Variants in FAM184A observed in about 807,000 individuals in gnomAD.
FAM184A encodes the protein family with sequence similarity 184 member A.
FAM184A carries 99 observed loss-of-function variants against 143.8 expected under a neutral mutation model. That is an observed-to-expected ratio of 0.69 (90% CI 0.58 to 0.81). The LOEUF is 0.81. Ranked by LOEUF, FAM184A falls within the 40% of genes least tolerant of loss-of-function variation. FAM184A has a pLI of 0.00. For missense variants in FAM184A, 1,217 were observed against 1,310.5 expected, an observed-to-expected ratio of 0.93 and a Z score of 1.10; for synonymous variants, 427 against 446.4, an observed-to-expected ratio of 0.96 and a Z score of 0.55.
intron 1 of FAM184A, among the ~76,000 whole-genome samples, chr6:119,134,149 A>G (rs1789603528): frequency 1.3e-5 from 2 of 152,170 alleles, no homozygotes; most frequent in East Asian, 3.9e-4. Context: ...ACTATTGACA[A>G]AAGATTAGTA....
At chr6:119,088,779 C>G (rs140528607) in intron 1 of FAM184A, among the ~76,000 whole-genome samples, 298 of 152,280 alleles carry the variant, frequency 2.0e-3, no homozygotes, top group South Asian at 9.1e-3. Context: ...AGCAACTGAA[C>G]TCCAATGGAA....
intron 1 of FAM184A, among the ~76,000 whole-genome samples, chr6:119,045,063 G>T (rs1033231386): frequency 2.0e-5 from 3 of 152,108 alleles, no homozygotes; most frequent in Non-Finnish European, 4.4e-5. Context: ...ATTTCTTATG[G>T]GTTCTCCAAC....
intron 16 of FAM184A, among the ~76,000 whole-genome samples, chr6:118,964,299 G>A (rs1451474285): frequency 6.6e-6 from 1 of 152,114 alleles, no homozygotes; most frequent in Non-Finnish European, 1.5e-5. Flanking sequence ...CTTAAACCAG[G>A]AACAGCTGTT....
At chr6:119,071,860 C>CTTTTTTTTT (rs35786966) in intron 1 of FAM184A, among the ~76,000 whole-genome samples, 7 of 94,170 alleles carry the variant, frequency 7.4e-5, no homozygotes, top group Admixed American at 2.9e-4. Flanking sequence ...AACCTTTAAT[C>CTTTTTTTTT]TTTTTTTTTT....
chr6:119,122,890 ACTC>A (rs1249144204), intron 1 of FAM184A, among the ~76,000 whole-genome samples: 1 of 123,324 alleles, frequency 8.1e-6, no homozygotes, highest in African/African-American at 3.4e-5. Flanking sequence ...ATGCCACTGT[ACTC>A]CAGCCTGAGC....
chr6:119,021,095 G>A (rs1369861233), intron 3 of FAM184A, among the ~76,000 whole-genome samples: 1 of 152,112 alleles, frequency 6.6e-6, no homozygotes, highest in Non-Finnish European at 1.5e-5. Flanking sequence ...TTAGAAATGT[G>A]ACCCACCCCA....
Position 119,024,538 on chromosome 6 carries a change from G to A in FAM184A, c.435C>T (p.Ala145=). The part of the protein sequence containing the change: ...RVEDMQLCAE[A]QHVQRIVTMS... ...TGGTCACTATGCGTTGGACATGCTG[G>A]GCTTCTGCACAAAGTTGCATGTCCT... The change falls in exon 2 of 18, where the codon GCC becomes GCT. Residue 145 remains alanine, a synonymous_variant. Coordinates refer to ENST00000338891, the MANE Select transcript of FAM184A (RefSeq NM_024581.6). 1 of 1,613,942 alleles carries A rather than the reference G, an allele frequency of 6.2e-7. No individual in the cohort carries two copies. Among genetic ancestry groups the A allele is most frequent in the Non-Finnish European group, 8.5e-7 (1 of 1,179,980 alleles).
In FAM184A at chr6:119,096,407, C is replaced by T. The variant is rs545943594; in HGVS notation, c.-202+52671G>A. Among the ~76,000 whole-genome samples, 5 of 31,696 alleles carry T rather than the reference C, an allele frequency of 1.6e-4. 2 individuals are homozygous for T. Among genetic ancestry groups the T allele is most frequent in the Admixed American group, 1.4e-3 (3 of 2,164 alleles). 20.8% of individuals were successfully genotyped at this position (31,696 alleles called of 152,430 possible). A position where few individuals can be genotyped will look rare whatever the true frequency, so the allele number is the denominator to read the frequency against. On this transcript the variant is annotated intron_variant, in intron 1 of 16. Coordinates refer to the FAM184A transcript ENST00000352896. ...ATCCCAGCACTTTGGGAGGCCGAGG[C>T]GGGTGGATCATGAGGTCAGGAGATC...
intron 9 of FAM184A, among the ~76,000 whole-genome samples, chr6:118,986,617 A>G (rs1341625204): frequency 6.6e-6 from 1 of 152,194 alleles, no homozygotes; most frequent in African/African-American, 2.4e-5. Context: ...CTTTTTTTGT[A>G]GGAGATGAAT....
At chr6:119,119,485 G>A (rs10457348) in intron 1 of FAM184A, among the ~76,000 whole-genome samples, 112,596 of 152,070 alleles carry the variant, frequency 0.74, 42,255 homozygotes, top group Non-Finnish European at 0.82. Context: ...CCAGTGCTTA[G>A]GGAAAATAGA....
intron 15 of FAM184A, among the ~76,000 whole-genome samples, chr6:118,965,842 T>C (rs1030920046): frequency 6.6e-6 from 1 of 152,256 alleles, no homozygotes; most frequent in African/African-American, 2.4e-5. Context: ...GCTATTTATA[T>C]GGAACAGAGT....
intron 1 of FAM184A, among the ~76,000 whole-genome samples, chr6:119,057,496 T>C (rs1787027179): frequency 6.6e-6 from 1 of 152,152 alleles, no homozygotes; most frequent in African/African-American, 2.4e-5. Flanking sequence ...CCCAACACTT[T>C]GGGAGGCCAA....
At chr6:119,031,811 T>C (rs1440116117) in intron 1 of FAM184A, among the ~76,000 whole-genome samples, 1 of 152,236 alleles carries the variant, frequency 6.6e-6, no homozygotes, top group African/African-American at 2.4e-5. Context: ...TGATGGTATA[T>C]TCATACAGTG....
chr6:119,146,760 G>A (rs1772449541), intron 1 of FAM184A, among the ~76,000 whole-genome samples: 1 of 152,042 alleles, frequency 6.6e-6, no homozygotes, highest in African/African-American at 2.4e-5. Flanking sequence ...TTTCCCAGAT[G>A]AGAGATGCTG....
At chr6:119,070,783 T>A (rs1008198728) in intron 1 of FAM184A, among the ~76,000 whole-genome samples, 6 of 152,050 alleles carry the variant, frequency 3.9e-5, no homozygotes. Flanking sequence ...CATTCTGAAG[T>A]GGGCTGCAGG....
At chr6:119,062,841 T>G (rs1787310697) in intron 1 of FAM184A, among the ~76,000 whole-genome samples, 1 of 152,166 alleles carries the variant, frequency 6.6e-6, no homozygotes, top group South Asian at 2.1e-4. Context: ...ATTTTCTGTC[T>G]TATACATCTG....
chr6:119,063,071 C>A (rs534424025), intron 1 of FAM184A, among the ~76,000 whole-genome samples: 2 of 151,718 alleles, frequency 1.3e-5, no homozygotes, highest in Admixed American at 1.3e-4. Flanking sequence ...AGGTGAAACC[C>A]AAAAAGGTGA....
intron 5 of FAM184A, among the ~76,000 whole-genome samples, chr6:119,011,674 C>A (rs1785095467): frequency 6.6e-6 from 1 of 152,104 alleles, no homozygotes; most frequent in Non-Finnish European, 1.5e-5. Context: ...TGGACTAGAT[C>A]AAGCTGAAGT....
At chr6:119,062,106 T>C (rs1787280938) in intron 1 of FAM184A, among the ~76,000 whole-genome samples, 1 of 152,152 alleles carries the variant, frequency 6.6e-6, no homozygotes, top group South Asian at 2.1e-4. Flanking sequence ...GGATTACAAA[T>C]ATGCTTGAGA....
Sources: gnomAD v4.1 joint callset for allele counts (sites outside exome capture counted in the v4.1 genomes callset) on GRCh38, gnomAD v4.1.1 for gene constraint, MANE v1.5 for transcripts, NCBI Gene and HGNC (gene_info 2026-07-23, HGNC 2026-07-21) for gene names.